TTC9: variants seen among roughly 807,000 people sequenced by gnomAD.
The protein encoded by TTC9 is tetratricopeptide repeat domain 9.
A neutral mutation model predicts 22.9 loss-of-function variants in TTC9; 13 were observed. That is an observed-to-expected ratio of 0.57 (90% confidence interval 0.37 to 0.90). TTC9 has a LOEUF of 0.90. TTC9 is among the 40% of genes least tolerant of loss of function. TTC9 has a pLI of 0.01. For synonymous variants in TTC9, 148 were observed against 133.2 expected (o/e 1.11, Z -0.77); for missense variants, 280 against 291.8 (o/e 0.96, Z 0.29).
intron 1 of TTC9, among the ~76,000 whole-genome samples, chr14:70,655,468 G>GT (rs1177139633): frequency 6.6e-6 from 1 of 151,838 alleles, no homozygotes; most frequent in Non-Finnish European, 1.5e-5. Context: ...GATGACAACA[G>GT]TTAACCGTTT....
intron 1 of TTC9, among the ~76,000 whole-genome samples, chr14:70,655,726 T>G (rs1886055458): frequency 6.6e-6 from 1 of 152,216 alleles, no homozygotes; most frequent in African/African-American, 2.4e-5. Context: ...TGCTACTTCC[T>G]TTTCACATTC....
chr14:70,671,304 C>G lies in TTC9; in HGVS notation c.*149C>G. The stretch of plus-strand genomic sequence containing the variant: ...CCTGTTGCACCCCAGCTCTTTGTCT[C>G]CTCCCAGTACGAAAAGGAGAGATGC... On this transcript the variant is annotated 3_prime_UTR_variant, in exon 3 of 3. Transcript: ENST00000256367. 1.6e-6 allele frequency: 1 copy of G among 622,404 alleles called. No homozygotes were observed. The highest frequency in any genetic ancestry group is 3.0e-5 in the East Asian group (1 of 32,832). 38.6% of individuals were successfully genotyped at this position (622,404 alleles called of 1,614,324 possible).
intron 1 of TTC9, among the ~76,000 whole-genome samples, chr14:70,663,096 C>G (rs1016534998): frequency 2.0e-5 from 3 of 152,220 alleles, no homozygotes; most frequent in Non-Finnish European, 4.4e-5. Context: ...ACTCTTGCCT[C>G]ACAATGAAGT....
intron 1 of TTC9, among the ~76,000 whole-genome samples, chr14:70,643,281 G>A (rs1353080554): frequency 6.6e-6 from 1 of 152,160 alleles, no homozygotes; most frequent in Non-Finnish European, 1.5e-5. Context: ...GGAAAAGGGG[G>A]CCCTACTCTT....
At chr14:70,665,363 T>A (rs370170889) in intron 1 of TTC9, among the ~76,000 whole-genome samples, 25 of 152,092 alleles carry the variant, frequency 1.6e-4, no homozygotes, top group African/African-American at 5.8e-4. Context: ...TCTCTCTCTC[T>A]GTACAGCTGT....
At chr14:70,642,919 G>A (rs1369763078) in intron 1 of TTC9, among the ~76,000 whole-genome samples, 2 of 152,190 alleles carry the variant, frequency 1.3e-5, no homozygotes, top group Non-Finnish European at 2.9e-5. Flanking sequence ...CCCAAGGGAG[G>A]CCACGCACCT....
intron 2 of TTC9, 23 bp from the exon 3 acceptor site, chr14:70,671,053 A>G (rs1886286464): frequency 3.1e-6 from 5 of 1,609,494 alleles, no homozygotes; most frequent in South Asian, 1.1e-5. Flanking sequence ...GGTGTTCCCT[A>G]AGGTTTATTT....
At chr14:70,653,121 G>GTTAACAATGTGCATGTA (rs1886009989) in intron 1 of TTC9, among the ~76,000 whole-genome samples, 1 of 152,192 alleles carries the variant, frequency 6.6e-6, no homozygotes, top group African/African-American at 2.4e-5. Flanking sequence ...GATTGTTATG[G>GTTAACAATGTGCATGTA]TGATTAAATT....
chr14:70,646,627 T>C (rs948939323), intron 1 of TTC9, among the ~76,000 whole-genome samples: 1 of 152,232 alleles, frequency 6.6e-6, no homozygotes, highest in African/African-American at 2.4e-5. Flanking sequence ...AGCTTGTGCC[T>C]CTGTCCCTGG....
rs1031688308 is a variant in TTC9, at chr14:70,671,527, G to T, written c.*372G>T. The T allele has an allele frequency of 3.8e-5, 9 of 238,506 alleles. No homozygotes were observed. In the South Asian group the frequency reaches 5.3e-4, roughly 14 times the overall value. The allele number at this position is 238,506 out of a possible 1,614,324, so 14.8% of individuals were successfully genotyped here. A position where few individuals can be genotyped will look rare whatever the true frequency, so the allele number is the denominator to read the frequency against. On this transcript the variant is annotated 3_prime_UTR_variant, in exon 3 of 3. Transcript: ENST00000256367. ...AAGTGTACCATCCCACAGGCAGCAG[G>T]CACACAGCCCATGGGCTGGATCCTT...
chr14:70,660,859 C>G (rs1886135904), intron 1 of TTC9, among the ~76,000 whole-genome samples: 1 of 152,222 alleles, frequency 6.6e-6, no homozygotes, highest in South Asian at 2.1e-4. Context: ...AATTTGAAAG[C>G]AAATCAAATA....
chr14:70,650,866 C>T (rs1885974845), intron 1 of TTC9, among the ~76,000 whole-genome samples: 1 of 152,130 alleles, frequency 6.6e-6, no homozygotes. Context: ...AACATATATG[C>T]TAGTACAGTG....
At chr14:70,642,564 G>GCCCCCC (rs1555361525) in intron 1 of TTC9, 29 bp downstream of exon 1, 3 of 1,517,644 alleles carry the variant, frequency 2.0e-6, no homozygotes, top group Non-Finnish European at 2.6e-6. Context: ...CCCGCGCCGC[G>GCCCCCC]GTCCCCGTTC....
chr14:70,644,569 A>C (rs1012149809), intron 1 of TTC9, among the ~76,000 whole-genome samples: 5 of 152,188 alleles, frequency 3.3e-5, no homozygotes, highest in African/African-American at 1.2e-4. Flanking sequence ...TTTGATGCAC[A>C]AAGTCAGCAT....
intron 1 of TTC9, among the ~76,000 whole-genome samples, chr14:70,649,117 G>A (rs1409639063): frequency 6.6e-6 from 1 of 152,110 alleles, no homozygotes. Context: ...ACATGAGCTA[G>A]GCATTTCCAA....
chr14:70,642,431 C>G lies in TTC9; in HGVS notation c.302C>G (p.Ser101Trp). ...CCCCCCGGGGAACGGGAGCGGGACT[C>G]GCGCCCGGCCTCCCCGGCTGGGGCC... ...LPPPGERERD[S>W]RPASPAGALK... The change falls in exon 1 of 3, where the codon TCG becomes TGG. Residue 101 changes from serine (S) to tryptophan (W), a missense_variant. Physicochemically the swap from Ser to Trp is radical, Grantham distance 177 (BLOSUM62 -3). Coordinates refer to ENST00000256367, the MANE Select transcript of TTC9 (RefSeq NM_015351.2). 1 of 1,576,912 alleles carries G rather than the reference C, an allele frequency of 6.3e-7. No homozygotes were observed. The highest frequency in any genetic ancestry group is 8.6e-7 in the Non-Finnish European group (1 of 1,162,920).
chr14:70,659,128 A>G (rs902233322), intron 1 of TTC9, among the ~76,000 whole-genome samples: 27 of 137,234 alleles, frequency 2.0e-4, no homozygotes, highest in South Asian at 1.2e-3. Context: ...AAACACACAC[A>G]CACGCACACA....
At position 70,659,132 on chromosome 14, in the gene TTC9, G is replaced by GCGCGCGCACACACACACA. The variant is rs762892061; in HGVS notation, c.407-8431_407-8430insGCGCGCACACACACACAC. On this transcript the variant is annotated intron_variant, in intron 1 of 2. Coordinates refer to ENST00000256367, the MANE Select transcript of TTC9 (RefSeq NM_015351.2). ...TGTATATAACTAAACACACACACAC[G>GCGCGCGCACACACACACA]CACACACACACACACACACACACAC... Among the ~76,000 whole-genome samples, 11 of 144,330 alleles carry GCGCGCGCACACACACACA rather than the reference G, an allele frequency of 7.6e-5. No homozygotes were observed. The East Asian group carries it at 1.4e-3, about 19-fold the overall frequency. The allele number at this position is 144,330 out of a possible 152,430, so 94.7% of individuals were successfully genotyped here.
Position 70,675,014 on chromosome 14 carries a change from C to T in TTC9, c.*3859C>T, listed in dbSNP as rs547562044. 8 of 152,298 alleles carry T rather than the reference C, an allele frequency of 5.3e-5. No individual in the cohort carries two copies. The highest frequency in any genetic ancestry group is 1.9e-4 in the East Asian group (1 of 5,186). 9.4% of individuals were successfully genotyped at this position (152,298 alleles called of 1,614,324 possible). ...ACCCTCCAGAAAGTTTGTACCAAAACGCTCTCCTATTTGGATCCTAGAGAG... is the reference window on the plus strand; with the variant it reads ...ACCCTCCAGAAAGTTTGTACCAAAATGCTCTCCTATTTGGATCCTAGAGAG... On this transcript the variant is annotated 3_prime_UTR_variant, in exon 3 of 3. Coordinates refer to ENST00000256367, the MANE Select transcript of TTC9 (RefSeq NM_015351.2).
Sources: allele counts gnomAD v4.1 joint callset (sites outside exome capture counted in the v4.1 genomes callset), GRCh38; gene constraint gnomAD v4.1.1; transcripts MANE v1.5; gene names NCBI Gene and HGNC (gene_info 2026-07-23, HGNC 2026-07-21).